The following SULT1C2 variants were observed in gnomAD, a reference collection of about 807,000 sequenced individuals.
SULT1C2 encodes the protein sulfotransferase 1C2.
In SULT1C2, 27 loss-of-function variants were observed where a neutral mutation model predicts 36.0. That is an observed-to-expected ratio of 0.75 (90% CI 0.55 to 1.03). The LOEUF (loss-of-function observed/expected upper bound fraction) is 1.03, where lower values mean the gene tolerates loss of function less well. Ranked by LOEUF, SULT1C2 falls within the 50% of genes least tolerant of loss-of-function variation. SULT1C2 has a pLI of 0.00. For missense variants in SULT1C2, 395 were observed against 359.2 expected (o/e 1.10, Z -0.80); for synonymous variants, 121 against 116.0 (o/e 1.04, Z -0.27).
At chr2:108,299,970 A>T (rs1676831994) in intron 3 of SULT1C2, 1 of 152,194 alleles carries the variant, frequency 6.6e-6, no homozygotes, top group Admixed American at 6.5e-5. Context: ...TGATTCCCAC[A>T]CTAGAGTGGA....
intron 2 of SULT1C2, 40 bp from the exon 3 acceptor site, chr2:108,294,188 TA>T (rs1296631584): frequency 6.2e-7 from 1 of 1,611,278 alleles, no homozygotes; most frequent in Non-Finnish European, 8.5e-7. Context: ...GAAGATTGTC[TA>T]ACAGATTTCT....
chr2:108,308,649 C>A lies in SULT1C2; in HGVS notation c.*185C>A. ...TTTTAAAAAGGATCACGTCTAATGC[C>A]CATTTTCCCAACTATTCTTTCCAAA... On this transcript the variant is annotated 3_prime_UTR_variant, in exon 8 of 8. Coordinates refer to ENST00000251481, the MANE Select transcript of SULT1C2 (RefSeq NM_001056.4). 2.0e-6 allele frequency: 1 copy of A among 511,502 alleles called. No homozygotes were observed. Among genetic ancestry groups the A allele is most frequent in the Non-Finnish European group, 3.4e-6 (1 of 296,030 alleles). The allele number at this position is 511,502 out of a possible 1,614,324, so 31.7% of individuals were successfully genotyped here. A position where few individuals can be genotyped will look rare whatever the true frequency, so the allele number is the denominator to read the frequency against.
In SULT1C2 at chr2:108,304,814, C is replaced by T. The variant is rs1676981564; in HGVS notation, c.502+114C>T. 3 of 1,418,746 alleles carry T rather than the reference C, an allele frequency of 2.1e-6. No individual in the cohort carries two copies. The Admixed American group carries it at 6.8e-5, about 32-fold the overall frequency. 87.9% of individuals were successfully genotyped at this position (1,418,746 alleles called of 1,614,324 possible). On this transcript the variant is annotated intron_variant, in intron 5 of 7. Coordinates refer to ENST00000251481, the MANE Select transcript of SULT1C2 (RefSeq NM_001056.4). ...CCTGTACTTCATCAGGTGTGTCCTA[C>T]CACAGACTGGGACTGGGCAGAGCAA...
At chr2:108,304,087 T>C (rs1365454262) in intron 4 of SULT1C2, 1 of 152,292 alleles carries the variant, frequency 6.6e-6, no homozygotes, top group Non-Finnish European at 1.5e-5. Context: ...GGAATGTTTG[T>C]AGGGGCAGAG....
At chr2:108,298,378 T>C (rs1009276729) in intron 3 of SULT1C2, among the ~76,000 whole-genome samples, 12 of 152,176 alleles carry the variant, frequency 7.9e-5, no homozygotes, top group African/African-American at 2.9e-4. Context: ...TTTTATTCCT[T>C]TGCACTTTTT....
At chr2:108,308,253 T>C in intron 7 of SULT1C2, 99 bp from the exon 8 acceptor site, 1 of 1,075,408 alleles carries the variant, frequency 9.3e-7, no homozygotes, top group Non-Finnish European at 1.4e-6. Context: ...GTCAGGTATG[T>C]GGACAGGCCA....
At chr2:108,292,159 T>C (rs1676608312) in intron 1 of SULT1C2, among the ~76,000 whole-genome samples, 1 of 152,142 alleles carries the variant, frequency 6.6e-6, no homozygotes, top group Admixed American at 6.5e-5. Context: ...CGAAGTTCTA[T>C]CACTCATTTT....
At chr2:108,296,070 A>G (rs1038005652) in intron 3 of SULT1C2, among the ~76,000 whole-genome samples, 18 of 152,236 alleles carry the variant, frequency 1.2e-4, no homozygotes, top group Non-Finnish European at 2.4e-4. Context: ...GATCACAAAC[A>G]TGAGCCACCA....
At chr2:108,291,225 G>A (rs1276757891) in intron 1 of SULT1C2, among the ~76,000 whole-genome samples, 1 of 152,108 alleles carries the variant, frequency 6.6e-6, no homozygotes, top group African/African-American at 2.4e-5. Context: ...AGCCATCAAT[G>A]GCAAGTTGAG....
At chr2:108,291,875 C>T (rs1676601859) in intron 1 of SULT1C2, among the ~76,000 whole-genome samples, 1 of 152,234 alleles carries the variant, frequency 6.6e-6, no homozygotes, top group South Asian at 2.1e-4. Flanking sequence ...CTCAGGAGTA[C>T]TGTCCAAACT....
At chr2:108,305,107 C>T in intron 5 of SULT1C2, 65 bp from the exon 6 acceptor site, 2 of 1,581,608 alleles carry the variant, frequency 1.3e-6, no homozygotes, top group Non-Finnish European at 8.7e-7. Flanking sequence ...CAGGAAAATC[C>T]CTAATACTCA....
intron 3 of SULT1C2, among the ~76,000 whole-genome samples, chr2:108,296,352 A>C (rs1241899077): frequency 6.6e-6 from 1 of 152,200 alleles, no homozygotes; most frequent in Non-Finnish European, 1.5e-5. Flanking sequence ...TTAGGAACCA[A>C]GGTGCCCTGT....
In SULT1C2 at chr2:108,305,490, G is replaced by A. The variant is rs1223825559; in HGVS notation, c.673G>A (p.Val225Ile). 6.2e-7 allele frequency: 1 copy of A among 1,614,194 alleles called. No homozygotes were observed. Among genetic ancestry groups the A allele is most frequent in the South Asian group, 1.1e-5 (1 of 91,086 alleles). ...GGATGAAACAGTGCTAGATAAAATTGTCCAGGAGACGTCATTTGAGAAAAT... is the reference window on the plus strand; with the variant it reads ...GGATGAAACAGTGCTAGATAAAATTATCCAGGAGACGTCATTTGAGAAAAT... ...KVDETVLDKI[V>I]QETSFEKMKE... is the part of the protein sequence containing the mutation. The change falls in exon 7 of 8, where the codon GTC (valine) becomes ATC (isoleucine). Residue 225 changes from valine to isoleucine, a missense_variant. Physicochemically the swap from Val to Ile is conservative, Grantham distance 29. Coordinates refer to ENST00000251481, the MANE Select transcript of SULT1C2 (RefSeq NM_001056.4).
chr2:108,291,893 C>T (rs1413228730), intron 1 of SULT1C2, among the ~76,000 whole-genome samples: 2 of 152,204 alleles, frequency 1.3e-5, no homozygotes, highest in Non-Finnish European at 2.9e-5. Flanking sequence ...ACTCCACCTT[C>T]TTTGATGTAT....
chr2:108,297,623 G>A (rs1361637239), intron 3 of SULT1C2, among the ~76,000 whole-genome samples: 1 of 152,118 alleles, frequency 6.6e-6, no homozygotes, highest in Non-Finnish European at 1.5e-5. Context: ...CCCTGAGTCT[G>A]AGCAACCATC....
chr2:108,305,768 G>A, intron 7 of SULT1C2, 173 bp downstream of exon 7: 1 of 820,476 alleles, frequency 1.2e-6, no homozygotes, highest in Non-Finnish European at 1.9e-6. Flanking sequence ...GCTTTCTAGG[G>A]TATTGTTCCA....
At chr2:108,292,961 C>T (rs1355305492) in intron 1 of SULT1C2, among the ~76,000 whole-genome samples, 1 of 152,050 alleles carries the variant, frequency 6.6e-6, no homozygotes, top group East Asian at 1.9e-4. Context: ...GGTGGATCAC[C>T]TGAGGTCAGG....
chr2:108,294,324 A>G lies in SULT1C2; in HGVS notation c.247A>G (p.Ile83Val), dbSNP rs1295560068. ...RAIIQHRHPF[I>V]EWARPPQPSG... ...CATCATCCAACACCGCCATCCTTTC[A>G]TTGAGTGGGCTCGGCCACCCCAACC... The change falls in exon 3 of 8, where the codon ATT (isoleucine) becomes GTT (valine). Residue 83 changes from isoleucine to valine, a missense_variant. Coordinates refer to ENST00000251481, the MANE Select transcript of SULT1C2 (RefSeq NM_001056.4). 2.5e-6 allele frequency: 4 copies of G among 1,613,864 alleles called. No individual in the cohort carries two copies. In the Admixed American group the frequency reaches 5.0e-5, roughly 20 times the overall value.
At chr2:108,301,383 A>T (rs544286955) in intron 4 of SULT1C2, 1 of 154,116 alleles carries the variant, frequency 6.5e-6, no homozygotes, top group Admixed American at 6.5e-5. Context: ...CAAAGTCAGG[A>T]GATCGAGAGC....
Sources: gnomAD v4.1 joint callset for allele counts (sites outside exome capture counted in the v4.1 genomes callset) on GRCh38, gnomAD v4.1.1 for gene constraint, MANE v1.5 for transcripts, NCBI Gene and HGNC (gene_info 2026-07-23, HGNC 2026-07-21) for gene names.